C4BPA: variants seen among roughly 807,000 people sequenced by gnomAD.
C4BPA encodes C4b-binding protein alpha chain.
In C4BPA, 31 loss-of-function variants were observed where a neutral mutation model predicts 63.7. That is an observed-to-expected ratio of 0.49 (90% CI 0.37 to 0.66). The LOEUF is 0.66. Among genes scored for constraint, C4BPA ranks in the 30% least tolerant of loss-of-function variants. C4BPA has a pLI of 0.00. For missense variants in C4BPA, 572 were observed against 723.3 expected, an observed-to-expected ratio of 0.79 and a Z score of 2.40; for synonymous variants, 259 against 254.7, an observed-to-expected ratio of 1.02 and a Z score of -0.16.
At chr1:207,118,780 C>T (rs1684867008) in intron 4 of C4BPA, among the ~76,000 whole-genome samples, 1 of 152,168 alleles carries the variant, frequency 6.6e-6, no homozygotes, top group South Asian at 2.1e-4. Context: ...GATTCTTTTA[C>T]CTCCTACTTC....
intron 4 of C4BPA, among the ~76,000 whole-genome samples, chr1:207,123,441 G>C (rs1237450850): frequency 6.6e-6 from 1 of 152,080 alleles, no homozygotes; most frequent in Non-Finnish European, 1.5e-5. Flanking sequence ...TAAGATAGAG[G>C]GCAGGAAGAC....
chr1:207,116,568 T>C (rs1028532878), intron 4 of C4BPA, among the ~76,000 whole-genome samples: 2 of 150,200 alleles, frequency 1.3e-5, no homozygotes, highest in East Asian at 3.9e-4. Flanking sequence ...GTATAATGTT[T>C]TTGACTTGGC....
chr1:207,115,925 G>A (rs1435624748), intron 4 of C4BPA, among the ~76,000 whole-genome samples: 4 of 152,122 alleles, frequency 2.6e-5, no homozygotes, highest in East Asian at 1.9e-4. Flanking sequence ...TGGCTTTGCC[G>A]TCCTTGTGAT....
At chr1:207,108,571 G>A (rs1009359184) in intron 1 of C4BPA, among the ~76,000 whole-genome samples, 1 of 152,120 alleles carries the variant, frequency 6.6e-6, no homozygotes, top group East Asian at 1.9e-4. Context: ...TTAGCAACCA[G>A]AGTAAAGAAG....
At chr1:207,136,223 T>C (rs1331307859) in intron 9 of C4BPA, among the ~76,000 whole-genome samples, 6 of 152,192 alleles carry the variant, frequency 3.9e-5, no homozygotes, top group African/African-American at 1.4e-4. Flanking sequence ...GGGCCCATGC[T>C]TGTCTTCCAT....
chr1:207,109,590 C>A (rs1167765405), intron 1 of C4BPA, among the ~76,000 whole-genome samples: 1 of 152,216 alleles, frequency 6.6e-6, no homozygotes, highest in Non-Finnish European at 1.5e-5. Flanking sequence ...AGAGCCCATG[C>A]CCAAGGTCTT....
chr1:207,144,434 T>C (rs866854627), intron 11 of C4BPA, 110 bp from the exon 12 acceptor site: 2 of 851,420 alleles, frequency 2.3e-6, no homozygotes, highest in Non-Finnish European at 3.5e-6. Flanking sequence ...CAACCACCAG[T>C]CTGAGGTTGG....
At chr1:207,118,113 CTAT>C (rs1684841549) in intron 4 of C4BPA, among the ~76,000 whole-genome samples, 1 of 29,046 alleles carries the variant, frequency 3.4e-5, no homozygotes, top group Non-Finnish European at 1.3e-4. Flanking sequence ...ACTAGTTTAT[CTAT>C]CATCTATCTA....
intron 1 of C4BPA, among the ~76,000 whole-genome samples, chr1:207,105,906 C>T (rs1684550333): frequency 6.6e-6 from 1 of 152,154 alleles, no homozygotes; most frequent in Non-Finnish European, 1.5e-5. Context: ...TGAGTTGGTT[C>T]CATTTCTGCA....
At position 207,137,333 on chromosome 1, in the gene C4BPA, G is replaced by A. The variant is rs193233795; in HGVS notation, c.1273+2741G>A. On this transcript the variant is annotated intron_variant, in intron 9 of 11. Transcript: ENST00000367070. ...TTGCTAAGGTTAAGGACGCGCCTGC[G>A]ACAGCCTCAGGAGGTCCTGATGACA... is the stretch of plus-strand genomic sequence containing the variant. Among the ~76,000 whole-genome samples, 21 of 152,318 alleles carry A rather than the reference G, an allele frequency of 1.4e-4. 1 individual carries two copies. The highest frequency in any genetic ancestry group is 5.2e-4 in the Admixed American group (8 of 15,302).
chr1:207,112,439 C>A (rs1684688842), intron 1 of C4BPA, among the ~76,000 whole-genome samples: 1 of 150,556 alleles, frequency 6.6e-6, no homozygotes, highest in Non-Finnish European at 1.5e-5. Context: ...CAAGTCTTCT[C>A]ACTCAACCTC....
intron 4 of C4BPA, among the ~76,000 whole-genome samples, chr1:207,117,574 C>T (rs1484763046): frequency 6.6e-6 from 1 of 152,166 alleles, no homozygotes; most frequent in Non-Finnish European, 1.5e-5. Flanking sequence ...AGGGTCTCCA[C>T]CAGGCCTGAG....
At chr1:207,104,780 G>C (rs149580064) in intron 1 of C4BPA, among the ~76,000 whole-genome samples, 1 of 152,114 alleles carries the variant, frequency 6.6e-6, no homozygotes, top group Non-Finnish European at 1.5e-5. Flanking sequence ...TGAGGCAAGG[G>C]GTCAATCAGA....
chr1:207,141,839 T>C (rs991738363), intron 10 of C4BPA, among the ~76,000 whole-genome samples: 2 of 152,164 alleles, frequency 1.3e-5, no homozygotes, highest in Admixed American at 6.5e-5. Flanking sequence ...GCTGTCAACA[T>C]GCATGACTTT....
chr1:207,142,387 C>T lies in C4BPA; in HGVS notation c.1444+1111C>T, dbSNP rs1685438060. On this transcript the variant is annotated intron_variant, in intron 10 of 11. Coordinates refer to ENST00000367070, the MANE Select transcript of C4BPA (RefSeq NM_000715.4). ...TAGTGCTGCAATAAACATACGTGTG[C>T]ATGTGTCTTTATCATAGAATGATTT... is the stretch of plus-strand genomic sequence containing the variant. 2.0e-5 allele frequency among the ~76,000 whole-genome samples: 3 copies of T among 152,254 alleles called. No homozygotes were observed. The South Asian group carries it at 6.2e-4, about 32-fold the overall frequency.
rs115332781 is a variant in C4BPA at position 207,140,113 on chromosome 1, A to T, written c.1274-993A>T. On this transcript the variant is annotated intron_variant, in intron 9 of 11. Coordinates refer to ENST00000367070, the MANE Select transcript of C4BPA (RefSeq NM_000715.4). ...GTTGCATTTATTTAGCTTCTGAGGC[A>T]TATGAGCAGCTTTCTGACTGCTATG... 3.9e-3 allele frequency among the ~76,000 whole-genome samples: 599 copies of T among 152,328 alleles called. 3 individuals carry two copies. The highest frequency in any genetic ancestry group is 0.014 in the African/African-American group (590 of 41,586).
Position 207,131,665 on chromosome 1 carries a change from A to T in C4BPA, c.1009A>T (p.Lys337Ter). 2 of 1,614,024 alleles carry T rather than the reference A, an allele frequency of 1.2e-6. No individual in the cohort carries two copies. Among genetic ancestry groups the T allele is most frequent in the Non-Finnish European group, 1.7e-6 (2 of 1,179,954 alleles). Reference protein sequence around the residue: ...VLRYRCHPGYKPTTDEPTTVI... With the variant: ...VLRYRCHPGY ...AAGGTACCGCTGTCATCCTGGCTAC[A>T]AACCCACTACAGATGAGCCTACGAC... Residue 337 changes from lysine (K) to a stop codon, truncating the protein, a stop_gained, in exon 8 of 12, where the codon AAA (lysine) becomes TAA (stop). Coordinates refer to ENST00000367070, the MANE Select transcript of C4BPA (RefSeq NM_000715.4). LOFTEE classifies it high-confidence loss of function.
chr1:207,110,991 A>C (rs2102329016), intron 1 of C4BPA, among the ~76,000 whole-genome samples: 1 of 152,376 alleles, frequency 6.6e-6, no homozygotes, highest in East Asian at 1.9e-4. Flanking sequence ...CAATAAACAC[A>C]ACAAATCTAC....
At position 207,141,214 on chromosome 1, in the gene C4BPA, T is replaced by A. The variant is rs767736905; in HGVS notation, c.1382T>A (p.Val461Asp). 1 of 1,613,838 alleles carries A rather than the reference T, an allele frequency of 6.2e-7. No homozygotes were observed. The highest frequency in any genetic ancestry group is 8.5e-7 in the Non-Finnish European group (1 of 1,179,846). The change falls in exon 10 of 12, where the codon GTC becomes GAC. Residue 461 changes from valine to aspartate, a missense_variant. By Grantham distance (152) the Val-to-Asp change is radical. Transcript: ENST00000367070. ...IYECDKGYIL[V>D]GQAKLSCSYS... ...GAATGTGATAAAGGCTACATTCTGG[T>A]CGGACAGGCGAAACTCTCCTGCAGT...
Sources: gnomAD v4.1 joint callset for allele counts (sites outside exome capture counted in the v4.1 genomes callset) on GRCh38, gnomAD v4.1.1 for gene constraint, MANE v1.5 for transcripts, NCBI Gene and HGNC (gene_info 2026-07-23, HGNC 2026-07-21) for gene names.